KALRN: variants seen among roughly 807,000 people sequenced by gnomAD.
The protein encoded by KALRN is kalirin.
A neutral mutation model predicts 353.7 loss-of-function variants in KALRN; 70 were observed. The observed-to-expected ratio is 0.20, with a 90% CI of 0.16 to 0.24. The LOEUF (loss-of-function observed/expected upper bound fraction) is 0.24, where lower values mean the gene tolerates loss of function less well. Among genes scored for constraint, KALRN ranks in the 10% least tolerant of loss-of-function variants. KALRN has a pLI of 1.00. For synonymous variants in KALRN, 1,391 were observed against 1,434.8 expected, an observed-to-expected ratio of 0.97 and a Z score of 0.69; for missense variants, 2,791 against 3,756.7, an observed-to-expected ratio of 0.74 and a Z score of 6.72.
chr3:124,588,490 T>C (rs180826613), intron 34 of KALRN, among the ~76,000 whole-genome samples: 138 of 152,312 alleles, frequency 9.1e-4, no homozygotes, highest in African/African-American at 3.0e-3. Context: ...AGTGGGACAA[T>C]CTTGGCTCAC....
At chr3:124,279,093 T>TC (rs1294214773) in intron 5 of KALRN, among the ~76,000 whole-genome samples, 5 of 152,136 alleles carry the variant, frequency 3.3e-5, no homozygotes, top group Non-Finnish European at 7.4e-5. Context: ...CATTCCTGCT[T>TC]CCTTCCTTGG....
At chr3:124,662,051 T>TTCC (rs2084944789) in intron 45 of KALRN, 123 bp downstream of exon 45, 5 of 774,024 alleles carry the variant, frequency 6.5e-6, no homozygotes, top group Admixed American at 1.9e-5. Context: ...CCACTATGCC[T>TTCC]TCCTACCCGG....
Position 124,268,745 on chromosome 3 carries a change from G to T in KALRN, c.459G>T (p.Thr153=), listed in dbSNP as rs61738702. Residue 153 remains threonine, a splice_region_variant and synonymous_variant, in exon 5 of 60, where the codon ACG becomes ACT. Coordinates refer to ENST00000682506, the MANE Select transcript of KALRN (RefSeq NM_001388419.1). ...NFGSSKFIFE[T]SMVSVEGLTK... is the part of the protein sequence containing the mutation. ...TTGTCTGTGTCTGCCCCTTCCAGAC[G>T]AGCATGGTATCTGTGGAGGGCCTCA... 1 of 1,613,844 alleles carries T rather than the reference G, an allele frequency of 6.2e-7. No individual in the cohort carries two copies. The highest frequency in any genetic ancestry group is 8.5e-7 in the Non-Finnish European group (1 of 1,179,818).
At chr3:124,084,485 A>C (rs180875776) in intron 1 of KALRN, among the ~76,000 whole-genome samples, 1 of 152,346 alleles carries the variant, frequency 6.6e-6, no homozygotes, top group African/African-American at 2.4e-5. Context: ...CTTGCTCAGG[A>C]AAAGCACATG....
At chr3:124,307,019 G>C (rs1293738941) in intron 6 of KALRN, among the ~76,000 whole-genome samples, 1 of 151,766 alleles carries the variant, frequency 6.6e-6, no homozygotes, top group South Asian at 2.1e-4. Flanking sequence ...CAAGCTAAAA[G>C]CAAGTGACCC....
intron 1 of KALRN, among the ~76,000 whole-genome samples, chr3:124,205,859 T>G (rs751282615): frequency 6.6e-6 from 1 of 152,192 alleles, no homozygotes; most frequent in Non-Finnish European, 1.5e-5. Context: ...GCAGCTGGTA[T>G]CTAAATTCTT....
chr3:124,266,674 C>T (rs1258539289), intron 4 of KALRN, among the ~76,000 whole-genome samples: 2 of 152,026 alleles, frequency 1.3e-5, no homozygotes, highest in African/African-American at 4.8e-5. Flanking sequence ...GGGCCAGGAG[C>T]GCCTGTGTGT....
At chr3:124,208,379 G>A (rs1043231044) in intron 1 of KALRN, among the ~76,000 whole-genome samples, 5 of 152,278 alleles carry the variant, frequency 3.3e-5, no homozygotes, top group African/African-American at 1.2e-4. Flanking sequence ...TTTAAGACAA[G>A]CAGGATGAAT....
intron 1 of KALRN, among the ~76,000 whole-genome samples, chr3:124,227,214 C>G (rs2078611290): frequency 6.6e-6 from 1 of 152,172 alleles, no homozygotes; most frequent in African/African-American, 2.4e-5. Context: ...AGCCCCCTAA[C>G]AGGAACTCAA....
At chr3:124,282,291 G>C (rs1405677805) in intron 5 of KALRN, among the ~76,000 whole-genome samples, 2 of 152,000 alleles carry the variant, frequency 1.3e-5, no homozygotes, top group Non-Finnish European at 2.9e-5. Context: ...TTGTTTTAAG[G>C]CACAGAAAAG....
At chr3:124,110,471 A>G (rs1920628) in intron 1 of KALRN, among the ~76,000 whole-genome samples, 5,005 of 64,694 alleles carry the variant, frequency 0.077, 184 homozygotes, top group Non-Finnish European at 0.12. Context: ...ACACGCGCGC[A>G]CACACACACA....
intron 38 of KALRN, 61 bp downstream of exon 38, chr3:124,650,999 A>G: frequency 1.3e-6 from 2 of 1,589,432 alleles, no homozygotes; most frequent in Non-Finnish European, 8.6e-7. Context: ...ACAATGGACA[A>G]AGGTTGGGGA....
At chr3:124,230,207 A>G (rs977049344) in intron 2 of KALRN, among the ~76,000 whole-genome samples, 1 of 152,036 alleles carries the variant, frequency 6.6e-6, no homozygotes, top group African/African-American at 2.4e-5. Flanking sequence ...AGTTAACCTG[A>G]TGTTCTTCCT....
chr3:124,147,840 T>C (rs1200778844), intron 1 of KALRN, among the ~76,000 whole-genome samples: 1 of 152,246 alleles, frequency 6.6e-6, no homozygotes, highest in Non-Finnish European at 1.5e-5. Flanking sequence ...AGATGCTGTA[T>C]GTTATTTACA....
At chr3:124,425,470 G>T (rs2092971780) in intron 15 of KALRN, among the ~76,000 whole-genome samples, 1 of 152,284 alleles carries the variant, frequency 6.6e-6, no homozygotes, top group Non-Finnish European at 1.5e-5. Context: ...TACCATGTAT[G>T]AGAGGATAGG....
At chr3:124,143,355 A>G (rs1365242665) in intron 1 of KALRN, among the ~76,000 whole-genome samples, 2 of 152,174 alleles carry the variant, frequency 1.3e-5, no homozygotes, top group Non-Finnish European at 2.9e-5. Flanking sequence ...TATTGAGCCC[A>G]ATGGGAAGTA....
chr3:124,333,812 C>T (rs537226054), intron 8 of KALRN, among the ~76,000 whole-genome samples: 24 of 152,174 alleles, frequency 1.6e-4, no homozygotes, highest in South Asian at 8.3e-4. Context: ...CGCTTGAACC[C>T]GGGAGGCAGA....
chr3:124,385,069 T>C, intron 11 of KALRN, 33 bp downstream of exon 11: 1 of 1,540,196 alleles, frequency 6.5e-7, no homozygotes, highest in Non-Finnish European at 8.8e-7. Flanking sequence ...GGGCATTCTG[T>C]CCTGCCAGGG....
intron 34 of KALRN, among the ~76,000 whole-genome samples, chr3:124,565,069 T>A (rs35847329): frequency 1.3e-5 from 2 of 152,140 alleles, no homozygotes; most frequent in African/African-American, 4.8e-5. Context: ...TTTAAAACAC[T>A]CCGGTGTCTG....
Sources: allele counts gnomAD v4.1 joint callset (sites outside exome capture counted in the v4.1 genomes callset), GRCh38; gene constraint gnomAD v4.1.1; transcripts MANE v1.5; gene names NCBI Gene and HGNC (gene_info 2026-07-23, HGNC 2026-07-21).